Variants in ARHGAP44 observed in about 807,000 individuals in gnomAD.
ARHGAP44 encodes the protein rho GTPase-activating protein 44.
ARHGAP44 carries 43 observed loss-of-function variants against 106.8 expected under a neutral mutation model. The observed-to-expected ratio is 0.40, with a 90% confidence interval of 0.32 to 0.52. The LOEUF is 0.52. Ranked by LOEUF, ARHGAP44 falls within the 20% of genes least tolerant of loss-of-function variation. The probability of loss-of-function intolerance (pLI) is 0.48; values close to 1 mark genes in which losing one functional copy is unlikely to be tolerated. For synonymous variants in ARHGAP44, 439 were observed against 410.3 expected (o/e 1.07, Z -0.85); for missense variants, 866 against 1,050.5 (o/e 0.82, Z 2.43).
intron 1 of ARHGAP44, among the ~76,000 whole-genome samples, chr17:12,796,602 G>GTT (rs201727533): frequency 3.4e-4 from 48 of 143,182 alleles, no homozygotes; most frequent in East Asian, 1.2e-3. Flanking sequence ...ACTTTTCTTT[G>GTT]TTTTTTTTTT....
intron 20 of ARHGAP44, chr17:12,987,001 G>A: frequency 4.3e-6 from 5 of 1,160,724 alleles, no homozygotes; most frequent in Admixed American, 2.2e-5. Context: ...GGCCCGTCTG[G>A]GACTGTGATA....
At chr17:12,901,564 G>T (rs2037376644) in intron 3 of ARHGAP44, among the ~76,000 whole-genome samples, 1 of 152,144 alleles carries the variant, frequency 6.6e-6, no homozygotes, top group Admixed American at 6.5e-5. Context: ...CCTGGAGGGA[G>T]AGTATCAGGG....
chr17:12,949,339 T>G lies in ARHGAP44; in HGVS notation c.973+88T>G, dbSNP rs1251706842. ...CTGTGTGGCTACAAGTCCAGGACAC[T>G]CAAGTCAGTGGCTGCCCAAAGCACT... On this transcript the variant is annotated intron_variant, in intron 11 of 20. Transcript: ENST00000379672. This position sits in a 1 kb window ranked among gnomAD's most constrained non-coding sequence, Gnocchi z 4.1. The G allele has an allele frequency of 3.7e-5, 51 of 1,367,412 alleles. 1 individual carries two copies. The South Asian group carries it at 6.3e-4, about 17-fold the overall frequency. The allele number at this position is 1,367,412 out of a possible 1,614,324, so 84.7% of individuals were successfully genotyped here.
Position 12,958,758 on chromosome 17 carries a change from C to T in ARHGAP44, c.1384C>T (p.His462Tyr), listed in dbSNP as rs758315152. Residue 462 changes from histidine (H) to tyrosine (Y), a missense_variant, in exon 16 of 21, where the codon CAC becomes TAC. By Grantham distance (83) the His-to-Tyr change is moderately conservative. This residue lies in a region of ARHGAP44 where 448 missense variants were observed against 646.9 expected (regional missense o/e 0.69). Coordinates refer to ENST00000379672, the MANE Select transcript of ARHGAP44 (RefSeq NM_014859.6). The surrounding 1 kb of genome is among the most constrained non-coding windows in gnomAD (Gnocchi z 4.1). ...TACTGGCAATTATGGGAGTCCAGTACACGTGAACCATAATGCCAACTACAG... is the reference window on the plus strand; with the variant it reads ...TACTGGCAATTATGGGAGTCCAGTATACGTGAACCATAATGCCAACTACAG... ...NITGNYGSPV[H>Y]VNHNANYSSM... 3 of 1,613,808 alleles carry T rather than the reference C, an allele frequency of 1.9e-6. No homozygotes were observed. The South Asian group carries it at 3.3e-5, about 18-fold the overall frequency.
intron 1 of ARHGAP44, among the ~76,000 whole-genome samples, chr17:12,836,104 G>A (rs1021781166): frequency 6.6e-6 from 1 of 152,124 alleles, no homozygotes; most frequent in African/African-American, 2.4e-5. Context: ...GAATATGGGT[G>A]TGCAAATCTC....
In ARHGAP44 at chr17:12,980,055, C is replaced by T; in HGVS notation, c.1764-3C>T. ...TCTTTTGTCTCATGTGCTTTCGTTT[C>T]AGCACAACAAAAAGCAAGGAACTTT... On this transcript the variant is annotated splice_region_variant and splice_polypyrimidine_tract_variant and intron_variant, in intron 18 of 20. Coordinates refer to ENST00000379672, the MANE Select transcript of ARHGAP44 (RefSeq NM_014859.6). The T allele has an allele frequency of 6.3e-7, 1 of 1,599,832 alleles. No homozygotes were observed. Among genetic ancestry groups the T allele is most frequent in the South Asian group, 1.1e-5 (1 of 90,168 alleles).
chr17:12,850,312 C>T lies in ARHGAP44; in HGVS notation c.54-44628C>T, dbSNP rs79660278. On this transcript the variant is annotated intron_variant, in intron 1 of 20. Coordinates refer to ENST00000379672, the MANE Select transcript of ARHGAP44 (RefSeq NM_014859.6). Reference sequence around the variant, plus strand: ...AAATGGTGTATAGCCAGTTGCTTTCCACTGCCTTTCTTTACGCATTAATGG... The same window carrying T: ...AAATGGTGTATAGCCAGTTGCTTTCTACTGCCTTTCTTTACGCATTAATGG... 2.6e-3 allele frequency among the ~76,000 whole-genome samples: 391 copies of T among 152,292 alleles called. 2 individuals are homozygous for T. Among genetic ancestry groups the T allele is most frequent in the South Asian group, 0.019 (90 of 4,826 alleles).
At chr17:12,820,656 T>A (rs1010179505) in intron 1 of ARHGAP44, among the ~76,000 whole-genome samples, 2 of 152,188 alleles carry the variant, frequency 1.3e-5, no homozygotes, top group African/African-American at 4.8e-5. Context: ...ACCACATGGA[T>A]ACCTTCACTG....
In ARHGAP44 at chr17:12,905,068, ATT is replaced by A. The variant is rs11410681; in HGVS notation, c.199-3813_199-3812del. 3.9e-4 allele frequency among the ~76,000 whole-genome samples: 53 copies of A among 137,066 alleles called. 1 individual carries two copies. Among genetic ancestry groups the A allele is most frequent in the African/African-American group, 8.9e-4 (33 of 37,268 alleles). The allele number at this position is 137,066 out of a possible 152,430, so 89.9% of individuals were successfully genotyped here. On this transcript the variant is annotated intron_variant, in intron 3 of 20. Transcript: ENST00000379672. ...AGGGGCGTGCCACCACACTTGGCTA[ATT>A]TTTTTTTTTTTTTTTGTATTTTTAG...
At chr17:12,916,115 C>A (rs2037905015) in intron 5 of ARHGAP44, 104 bp downstream of exon 5, 3 of 885,736 alleles carry the variant, frequency 3.4e-6, no homozygotes, top group Non-Finnish European at 3.5e-6. Flanking sequence ...CCTTAACCTT[C>A]TCCCCAACAT....
At chr17:12,918,065 C>G (rs556320391) in intron 5 of ARHGAP44, among the ~76,000 whole-genome samples, 1 of 152,296 alleles carries the variant, frequency 6.6e-6, no homozygotes, top group African/African-American at 2.4e-5. Flanking sequence ...GTCATCTCCT[C>G]GCTTGGAGCA....
chr17:12,965,181 G>A (rs376474274), intron 16 of ARHGAP44, among the ~76,000 whole-genome samples: 1 of 152,132 alleles, frequency 6.6e-6, no homozygotes, highest in East Asian at 1.9e-4. Context: ...ATGGGCCGGC[G>A]ATCTGCCACG....
rs183407443 is a variant in ARHGAP44 at position 12,895,392 on chromosome 17, T to C, written c.93+413T>C. 4.6e-5 allele frequency among the ~76,000 whole-genome samples: 7 copies of C among 152,282 alleles called. No individual in the cohort carries two copies. In the East Asian group the frequency reaches 1.4e-3, roughly 29 times the overall value. ...TCACTGCCCCTCCAGTTCTCCAGCA[T>C]TGAAAGCTGTCTCTCATTGCAGTTT... On this transcript the variant is annotated intron_variant, in intron 2 of 20. Coordinates refer to ENST00000379672, the MANE Select transcript of ARHGAP44 (RefSeq NM_014859.6).
chr17:12,904,713 CGTG>C (rs1290175499), intron 3 of ARHGAP44, among the ~76,000 whole-genome samples: 2 of 151,944 alleles, frequency 1.3e-5, no homozygotes, highest in Non-Finnish European at 2.9e-5. Flanking sequence ...AGTATGCTAA[CGTG>C]GGGAGAAATA....
At chr17:12,888,947 T>A (rs78264836) in intron 1 of ARHGAP44, among the ~76,000 whole-genome samples, 4,214 of 152,278 alleles carry the variant, frequency 0.028, 203 homozygotes, top group African/African-American at 0.096. Flanking sequence ...TCTTTTCCAA[T>A]TTTTTATTTT....
At chr17:12,796,136 A>ATATCTATCTATCTATCTATC (rs67730348) in intron 1 of ARHGAP44, among the ~76,000 whole-genome samples, 185 of 150,320 alleles carry the variant, frequency 1.2e-3, no homozygotes, top group African/African-American at 4.4e-3. Context: ...TTTGAGAAGT[A>ATATCTATCTATCTATCTATC]TATCTATCTA....
chr17:12,954,190 G>A (rs997070959), intron 13 of ARHGAP44, among the ~76,000 whole-genome samples: 1 of 151,990 alleles, frequency 6.6e-6, no homozygotes, highest in African/African-American at 2.4e-5. Context: ...GAGCCACGGC[G>A]CCTGGCTGAG....
chr17:12,811,599 T>C (rs182168322), intron 1 of ARHGAP44, among the ~76,000 whole-genome samples: 239 of 152,316 alleles, frequency 1.6e-3, no homozygotes, highest in Admixed American at 0.015. Context: ...AAAGGCCAAC[T>C]GTATATACGT....
intron 1 of ARHGAP44, among the ~76,000 whole-genome samples, chr17:12,834,338 G>A (rs2035175909): frequency 6.6e-6 from 1 of 151,874 alleles, no homozygotes; most frequent in Admixed American, 6.6e-5. Flanking sequence ...GTATACATTG[G>A]GTTTACATTC....
Sources: gnomAD v4.1 joint callset for allele counts (sites outside exome capture counted in the v4.1 genomes callset) on GRCh38, gnomAD v4.1.1 for gene constraint, gnomAD v4.1.1 regional missense constraint, Gnocchi (gnomAD v3.1) non-coding constraint, MANE v1.5 for transcripts, NCBI Gene and HGNC (gene_info 2026-07-23, HGNC 2026-07-21) for gene names.